Variants in RALGAPB observed in about 807,000 individuals in gnomAD.
RALGAPB encodes the protein Ral GTPase activating protein non-catalytic subunit beta.
Under a neutral mutation model 161.1 loss-of-function variants are expected in RALGAPB, and 25 were observed. That is an observed-to-expected ratio of 0.16 (90% CI 0.11 to 0.22). The LOEUF (loss-of-function observed/expected upper bound fraction) is 0.22, where lower values mean the gene tolerates loss of function less well. RALGAPB is among the 10% of genes least tolerant of loss of function. The probability of loss-of-function intolerance (pLI) is 1.00; values close to 1 mark genes in which losing one functional copy is unlikely to be tolerated. For synonymous variants in RALGAPB, 629 were observed against 626.1 expected (o/e 1.00, Z -0.07); for missense variants, 1,391 against 1,815.2 (o/e 0.77, Z 4.25).
Position 38,488,594 on chromosome 20 carries a change from G to GA in RALGAPB, c.164dup (p.Asn55LysfsTer6). 1 of 1,612,484 alleles carries GA rather than the reference G, an allele frequency of 6.2e-7. No individual in the cohort carries two copies. The highest frequency in any genetic ancestry group is 8.5e-7 in the Non-Finnish European group (1 of 1,179,448). ...GTACCCCTTCAGTGGCTGGTAGTGA[G>GA]AATTTGTTAAAAACTGACAAAGAAG... is the stretch of plus-strand genomic sequence containing the variant. On this transcript the variant is annotated frameshift_variant, in exon 2 of 30. Transcript: ENST00000262879. LOFTEE classifies it high-confidence loss of function.
chr20:38,506,646 G>A (rs549497585), intron 5 of RALGAPB, among the ~76,000 whole-genome samples: 1 of 152,246 alleles, frequency 6.6e-6, no homozygotes, highest in African/African-American at 2.4e-5. Flanking sequence ...AAACTGGGTT[G>A]TCTTACAGAG....
In RALGAPB at chr20:38,569,883, T is replaced by C; in HGVS notation, c.3955-5T>C. The C allele has an allele frequency of 2.5e-6, 4 of 1,610,192 alleles. No homozygotes were observed. The highest frequency in any genetic ancestry group is 1.7e-5 in the Admixed American group (1 of 59,880). ...CCGCTCTCTGTCTTCTTCTTCTTCA[T>C]GTAGCTCAGTCCCAGTTCCAGAATG... On this transcript the variant is annotated splice_polypyrimidine_tract_variant and splice_region_variant and intron_variant, in intron 26 of 29. Coordinates refer to ENST00000262879, the MANE Select transcript of RALGAPB (RefSeq NM_020336.4).
Position 38,474,983 on chromosome 20 carries a change from T to C in RALGAPB, c.-31+1914T>C, listed in dbSNP as rs1378404104. Among the ~76,000 whole-genome samples the C allele has an allele frequency of 2.0e-5, 3 of 152,320 alleles. No homozygotes were observed. In the East Asian group the frequency reaches 5.8e-4, roughly 29 times the overall value. On this transcript the variant is annotated intron_variant, in intron 1 of 29. Transcript: ENST00000262879. ...TTTGCTTAGGAGTGAGTATTCTAGT[T>C]ATGTTCAGCAATTTGTCCAGCAGTT...
Position 38,525,886 on chromosome 20 carries a change from T to C in RALGAPB, c.1903-9T>C, listed in dbSNP as rs938212870. The C allele has an allele frequency of 1.2e-6, 2 of 1,609,242 alleles. No homozygotes were observed. The highest frequency in any genetic ancestry group is 1.7e-6 in the Non-Finnish European group (2 of 1,178,748). On this transcript the variant is annotated splice_polypyrimidine_tract_variant and intron_variant, in intron 12 of 29. Transcript: ENST00000262879. ...AGCTGATGTTAAATATTATTTGTTT[T>C]TTCCATAGGTGGTCCTGGAAGGAAA... is the stretch of plus-strand genomic sequence containing the variant.
At chr20:38,490,806 G>C (rs757477961) in intron 2 of RALGAPB, among the ~76,000 whole-genome samples, 1 of 151,474 alleles carries the variant, frequency 6.6e-6, no homozygotes, top group Non-Finnish European at 1.5e-5. Flanking sequence ...CACTGCACCC[G>C]GCCAATTTTT....
chr20:38,532,129 C>T (rs919854104), intron 14 of RALGAPB, among the ~76,000 whole-genome samples: 9 of 152,178 alleles, frequency 5.9e-5, no homozygotes, highest in East Asian at 1.9e-4. Flanking sequence ...AATCTCTGCT[C>T]GCTGCAAACT....
chr20:38,496,010 T>G (rs960083645), intron 3 of RALGAPB, among the ~76,000 whole-genome samples: 1 of 152,276 alleles, frequency 6.6e-6, no homozygotes, highest in Admixed American at 6.5e-5. Context: ...ATTACTTGAT[T>G]AGGTTTGGGG....
chr20:38,532,620 C>T, intron 14 of RALGAPB, 110 bp from the exon 15 acceptor site: 1 of 1,310,406 alleles, frequency 7.6e-7, no homozygotes, highest in Non-Finnish European at 1.1e-6. Flanking sequence ...TCAGTTTGTA[C>T]TATTCAGTTG....
At position 38,509,083 on chromosome 20, in the gene RALGAPB, A is replaced by C; in HGVS notation, c.747A>C (p.Leu249=). The part of the protein sequence containing the change: ...KVICALTSRL[L]RFTYGPSFPA... ...GTGTGCATTTATTTTCTAGATTGCT[A>C]CGCTTTACATATGGTCCTTCATTTC... Residue 249 remains leucine, a synonymous_variant, in exon 6 of 30, where the codon CTA becomes CTC. Transcript: ENST00000262879. 6.2e-7 allele frequency: 1 copy of C among 1,613,614 alleles called. No individual in the cohort carries two copies. The highest frequency in any genetic ancestry group is 1.1e-5 in the South Asian group (1 of 91,062).
chr20:38,539,744 A>G, intron 16 of RALGAPB, 32 bp from the exon 17 acceptor site: 1 of 1,600,596 alleles, frequency 6.2e-7, no homozygotes, highest in Non-Finnish European at 8.5e-7. Context: ...TTCCTGGCTG[A>G]TTGTTTTTGT....
At position 38,574,662 on chromosome 20, in the gene RALGAPB, A is replaced by G. The variant is rs1311802240; in HGVS notation, c.4292-112A>G. The G allele has an allele frequency of 3.6e-6, 4 of 1,114,702 alleles. No homozygotes were observed. The East Asian group carries it at 9.5e-5, about 26-fold the overall frequency. 69.1% of individuals were successfully genotyped at this position (1,114,702 alleles called of 1,614,324 possible). ...TCTCTCTGGGGATGGGAAGTTTGCA[A>G]ATTGAATGAAATAGTTTTGAGTATG... On this transcript the variant is annotated intron_variant, in intron 29 of 29. Coordinates refer to ENST00000262879, the MANE Select transcript of RALGAPB (RefSeq NM_020336.4).
chr20:38,508,552 A>G (rs181405085), intron 5 of RALGAPB, among the ~76,000 whole-genome samples: 170 of 152,042 alleles, frequency 1.1e-3, no homozygotes, highest in Non-Finnish European at 2.1e-3. Context: ...ACAGTATTTT[A>G]ATACTAATTA....
chr20:38,528,890 C>T (rs1384624815), intron 13 of RALGAPB, among the ~76,000 whole-genome samples: 1 of 152,096 alleles, frequency 6.6e-6, no homozygotes, highest in Admixed American at 6.5e-5. Context: ...CCATGTTGGC[C>T]AAGCTGGTCT....
chr20:38,492,248 A>T (rs910802004), intron 2 of RALGAPB, among the ~76,000 whole-genome samples: 4 of 152,158 alleles, frequency 2.6e-5, no homozygotes, highest in Non-Finnish European at 1.5e-5. Context: ...TACAATTACG[A>T]CTGCCGGCAG....
chr20:38,490,255 C>G (rs936302058), intron 2 of RALGAPB, among the ~76,000 whole-genome samples: 4 of 152,132 alleles, frequency 2.6e-5, no homozygotes, highest in African/African-American at 9.7e-5. Flanking sequence ...GTTGCCCAGG[C>G]TGGAGTGCAG....
At chr20:38,508,976 G>A (rs6100012) in intron 5 of RALGAPB, 101 bp from the exon 6 acceptor site, 1 of 1,277,482 alleles carries the variant, frequency 7.8e-7, no homozygotes, top group Non-Finnish European at 1.1e-6. Context: ...ACGTATGTGA[G>A]GTACACATGT....
chr20:38,561,804 C>A (rs2087795284), intron 23 of RALGAPB, among the ~76,000 whole-genome samples: 1 of 152,134 alleles, frequency 6.6e-6, no homozygotes, highest in South Asian at 2.1e-4. Flanking sequence ...GCATCTTTGG[C>A]CTCTACCACT....
chr20:38,556,455 G>A (rs756526261), intron 22 of RALGAPB, among the ~76,000 whole-genome samples: 10 of 151,960 alleles, frequency 6.6e-5, no homozygotes, highest in South Asian at 4.1e-4. Context: ...TTTGACAACC[G>A]TAAGAAAATC....
At chr20:38,572,688 C>A (rs1356812819) in intron 28 of RALGAPB, among the ~76,000 whole-genome samples, 2 of 152,174 alleles carry the variant, frequency 1.3e-5, no homozygotes, top group African/African-American at 4.8e-5. Flanking sequence ...CTTAAAACTT[C>A]CAGGTTTTAT....
Sources: allele counts gnomAD v4.1 joint callset (sites outside exome capture counted in the v4.1 genomes callset), GRCh38; gene constraint gnomAD v4.1.1; transcripts MANE v1.5; gene names NCBI Gene and HGNC (gene_info 2026-07-23, HGNC 2026-07-21).